The following LMF1 variants were observed in gnomAD, a reference collection of about 807,000 sequenced individuals.
LMF1 encodes transmembrane protein 112.
A neutral mutation model predicts 60.6 loss-of-function variants in LMF1; 68 were observed. The ratio of observed to expected loss-of-function variants is 1.12; its 90% CI spans 0.92 to 1.37. The LOEUF (loss-of-function observed/expected upper bound fraction) is 1.37, where lower values mean the gene tolerates loss of function less well. LMF1 is among the 40% of genes most tolerant of loss of function. The pLI is 0.00. For synonymous variants in LMF1, 418 were observed against 324.7 expected (o/e 1.29, Z -3.09); for missense variants, 948 against 767.2 (o/e 1.24, Z -2.78).
At chr16:977,076 G>A (rs764314717) in intron 1 of LMF1, 3 of 454,024 alleles carry the variant, frequency 6.6e-6, no homozygotes, top group East Asian at 6.9e-5. Flanking sequence ...GGCTACAGAG[G>A]CCCAGAAAGC....
intron 3 of LMF1, among the ~76,000 whole-genome samples, chr16:921,389 T>G (rs2071426557): frequency 6.6e-6 from 1 of 152,206 alleles, no homozygotes. Context: ...CTGCGCTCCC[T>G]GCAGAGACGT....
chr16:889,067 G>A (rs1450391473), intron 5 of LMF1, among the ~76,000 whole-genome samples: 7 of 152,330 alleles, frequency 4.6e-5, no homozygotes, highest in African/African-American at 1.2e-4. Flanking sequence ...CTTGGCCTGC[G>A]GGGTCTGCAC....
chr16:946,146 T>C (rs1474024759), intron 2 of LMF1, among the ~76,000 whole-genome samples: 1 of 152,124 alleles, frequency 6.6e-6, no homozygotes, highest in East Asian at 1.9e-4. Flanking sequence ...TATCTGCAAA[T>C]GACACATGGG....
chr16:918,317 GGTGTCCCT>G (rs2071336033), intron 3 of LMF1, among the ~76,000 whole-genome samples: 1 of 152,204 alleles, frequency 6.6e-6, no homozygotes, highest in African/African-American at 2.4e-5. Flanking sequence ...CCTAGCCCCA[GGTGTCCCT>G]GTGGCTCAGC....
At chr16:926,132 G>A (rs2071590830) in intron 3 of LMF1, among the ~76,000 whole-genome samples, 1 of 151,668 alleles carries the variant, frequency 6.6e-6, no homozygotes, top group African/African-American at 2.4e-5. Flanking sequence ...ATGTCTGTGT[G>A]TGCATGCGTG....
rs138019984 is a variant in LMF1 at position 861,419 on chromosome 16, G to T, written c.1530-6713C>A. 3.8e-3 allele frequency among the ~76,000 whole-genome samples: 538 copies of T among 140,346 alleles called. 5 individuals are homozygous for T. Among genetic ancestry groups the T allele is most frequent in the African/African-American group, 0.014 (524 of 37,222 alleles). The allele number at this position is 140,346 out of a possible 152,430, so 92.1% of individuals were successfully genotyped here. A position where few individuals can be genotyped will look rare whatever the true frequency, so the allele number is the denominator to read the frequency against. ...GTCGCCCAGGCTGGAGTGCAGTGAC[G>T]CAATCTCAGCTCACTGTAACCTCTG... On this transcript the variant is annotated intron_variant, in intron 10 of 10. Transcript: ENST00000262301.
chr16:954,295 G>T, intron 2 of LMF1, 62 bp downstream of exon 2: 1 of 1,488,562 alleles, frequency 6.7e-7, no homozygotes, highest in South Asian at 1.2e-5. Flanking sequence ...CAGGACACCT[G>T]CAGTGCCTGT....
intron 10 of LMF1, among the ~76,000 whole-genome samples, chr16:868,123 A>G (rs1457751083): frequency 6.6e-6 from 1 of 152,086 alleles, no homozygotes; most frequent in Non-Finnish European, 1.5e-5. Flanking sequence ...CATGTGGGGC[A>G]GGGGATACAA....
rs555918458 is a variant in LMF1 at position 876,618 on chromosome 16, CAATT to C, written c.897+2948_897+2951del. The stretch of plus-strand genomic sequence containing the variant: ...AATCTAAAAGTGTTCTAAAATAAGT[CAATT>C]AATAAAACGAAACAGAGCTGAAACA... On this transcript the variant is annotated intron_variant, in intron 6 of 10. Coordinates refer to ENST00000262301, the MANE Select transcript of LMF1 (RefSeq NM_022773.4). Among the ~76,000 whole-genome samples the C allele has an allele frequency of 3.2e-4, 48 of 152,040 alleles. No homozygotes were observed. The South Asian group carries it at 6.4e-3, about 20-fold the overall frequency.
intron 6 of LMF1, chr16:871,750 G>T: frequency 5.7e-6 from 1 of 176,702 alleles, no homozygotes; most frequent in Non-Finnish European, 1.2e-5. Flanking sequence ...TGGAGAGTGG[G>T]TACTGGGGAC....
chr16:947,660 C>T (rs191285783), intron 2 of LMF1: 15 of 452,232 alleles, frequency 3.3e-5, no homozygotes, highest in African/African-American at 6.0e-5. Flanking sequence ...CTTCTGGGGT[C>T]GAGACAGTGG....
At chr16:926,122 ATGTC>A (rs1365025725) in intron 3 of LMF1, among the ~76,000 whole-genome samples, 4 of 150,072 alleles carry the variant, frequency 2.7e-5, no homozygotes, top group African/African-American at 7.4e-5. Context: ...TGATCTGAAT[ATGTC>A]TGTGTGTGCA....
At chr16:876,023 C>G (rs2069961650) in intron 6 of LMF1, among the ~76,000 whole-genome samples, 1 of 152,242 alleles carries the variant, frequency 6.6e-6, no homozygotes, top group African/African-American at 2.4e-5. Context: ...GCAGTGGGAC[C>G]CGGGGCTGGC....
intron 10 of LMF1, among the ~76,000 whole-genome samples, chr16:866,760 G>A (rs528568295): frequency 1.4e-4 from 22 of 152,224 alleles, no homozygotes; most frequent in Middle Eastern, 3.4e-3. Context: ...CTCTTTTCTG[G>A]CCCTTTAGTC....
intron 1 of LMF1, among the ~76,000 whole-genome samples, chr16:966,347 C>T (rs762954109): frequency 6.6e-6 from 1 of 152,226 alleles, no homozygotes; most frequent in Non-Finnish European, 1.5e-5. Context: ...GCCGAGCAGC[C>T]GGCCCTGGCC....
chr16:877,143 C>G (rs1359350372), intron 6 of LMF1, among the ~76,000 whole-genome samples: 3 of 152,124 alleles, frequency 2.0e-5, no homozygotes, highest in Admixed American at 6.5e-5. Context: ...CCAGACTGGG[C>G]AACATAGCGA....
At chr16:890,568 C>T (rs776937171) in intron 5 of LMF1, among the ~76,000 whole-genome samples, 12 of 148,282 alleles carry the variant, frequency 8.1e-5, no homozygotes, top group Non-Finnish European at 1.5e-4. Flanking sequence ...AGGGCCCTGA[C>T]CTCACACACC....
At chr16:892,921 G>T in intron 5 of LMF1, 86 bp downstream of exon 5, 1 of 1,004,412 alleles carries the variant, frequency 1.0e-6, no homozygotes, top group Non-Finnish European at 1.5e-6. Flanking sequence ...AGCTCACCAG[G>T]GTGTGCAGGA....
intron 5 of LMF1, among the ~76,000 whole-genome samples, chr16:890,336 G>A (rs779386835): frequency 2.1e-4 from 32 of 152,206 alleles, no homozygotes; most frequent in Non-Finnish European, 3.8e-4. Context: ...CCAACTCAGC[G>A]GGGCTCCCTC....
Sources: allele counts gnomAD v4.1 joint callset (sites outside exome capture counted in the v4.1 genomes callset), GRCh38; gene constraint gnomAD v4.1.1; transcripts MANE v1.5; gene names NCBI Gene and HGNC (gene_info 2026-07-23, HGNC 2026-07-21).